The following CORT variants were observed in gnomAD, a reference collection of about 807,000 sequenced individuals.
CORT encodes cortistatin, also known as cortistatin-14.
In CORT, 2 loss-of-function variants were observed where a neutral mutation model predicts 4.4. The observed-to-expected ratio is 0.46, with a 90% CI of 0.19 to 1.44. The LOEUF (loss-of-function observed/expected upper bound fraction) is 1.44, where lower values mean the gene tolerates loss of function less well. Among genes scored for constraint, CORT ranks in the 40% most tolerant of loss-of-function variants. CORT has a pLI of 0.26. For missense variants in CORT, 158 were observed against 140.2 expected, an observed-to-expected ratio of 1.13 and a Z score of -0.64; for synonymous variants, 72 against 62.0, an observed-to-expected ratio of 1.16 and a Z score of -0.75.
At chr1:10,451,009 G>A (rs1640767915) in intron 1 of CORT, among the ~76,000 whole-genome samples, 1 of 152,148 alleles carries the variant, frequency 6.6e-6, no homozygotes, top group Admixed American at 6.6e-5. Flanking sequence ...CCAACTCCGG[G>A]CTTCTCAGCT....
In CORT at chr1:10,450,143, G is replaced by A; in HGVS notation, c.-81G>A. 3 of 1,610,028 alleles carry A rather than the reference G, an allele frequency of 1.9e-6. No individual in the cohort carries two copies. Among genetic ancestry groups the A allele is most frequent in the Non-Finnish European group, 2.5e-6 (3 of 1,178,464 alleles). ...ACCAAGCTCCAAAGAAGAGACCCAA[G>A]TCCCCAAAACATTGATTTCAGGGCT... is the stretch of plus-strand genomic sequence containing the variant. On this transcript the variant is annotated 5_prime_UTR_variant, in exon 1 of 2. Coordinates refer to ENST00000377049, the MANE Select transcript of CORT (RefSeq NM_001302.5).
rs368245686 is a variant in CORT, at chr1:10,450,264, G to T, written c.41G>T (p.Gly14Val). The change falls in exon 1 of 2, where the codon GGG becomes GTG. Residue 14 changes from glycine to valine, a missense_variant. Transcript: ENST00000377049. ...GGCCTCCTGCTGCTGCTGCTCTCCG[G>T]GGCCACGGCCACCGCTGCCCTGCCC... Reference protein sequence around the residue: ...SPGLLLLLLSGATATAALPLE... With the variant: ...SPGLLLLLLSVATATAALPLE... The T allele has an allele frequency of 6.4e-7, 1 of 1,568,672 alleles. No individual in the cohort carries two copies. Among genetic ancestry groups the T allele is most frequent in the Non-Finnish European group, 8.6e-7 (1 of 1,157,546 alleles).
rs759210368 is a variant in CORT at position 10,451,579 on chromosome 1, T to C, written c.302T>C (p.Phe101Ser). The change falls in exon 2 of 2, where the codon TTC (phenylalanine) becomes TCC (serine). Residue 101 changes from phenylalanine (F) to serine (S), a missense_variant. Coordinates refer to ENST00000377049, the MANE Select transcript of CORT (RefSeq NM_001302.5). Reference protein sequence around the residue: ...MPCRNFFWKTFSSCK With the variant: ...MPCRNFFWKTSSSCK ...TGCAGGAACTTCTTCTGGAAGACCT[T>C]CTCCTCCTGCAAATAAAACCTCACC... 8.1e-6 allele frequency: 13 copies of C among 1,612,354 alleles called. 1 individual carries two copies. The Admixed American group carries it at 1.0e-4, about 12-fold the overall frequency.
At position 10,450,289 on chromosome 1, in the gene CORT, C is replaced by T. The variant is rs759156889; in HGVS notation, c.66C>T (p.Pro22=). 3 of 1,528,144 alleles carry T rather than the reference C, an allele frequency of 2.0e-6. No individual in the cohort carries two copies. The highest frequency in any genetic ancestry group is 2.6e-6 in the Non-Finnish European group (3 of 1,137,962). 94.7% of individuals were successfully genotyped at this position (1,528,144 alleles called of 1,614,324 possible). A position where few individuals can be genotyped will look rare whatever the true frequency, so the allele number is the denominator to read the frequency against. Residue 22 remains proline, a synonymous_variant, in exon 1 of 2, where the codon CCC becomes CCT. Coordinates refer to ENST00000377049, the MANE Select transcript of CORT (RefSeq NM_001302.5). ...GGGCCACGGCCACCGCTGCCCTGCC[C>T]CTGGAGGGTGGCCCCACCGGCCGAG... ...LSGATATAAL[P]LEGGPTGRDS... is the part of the protein sequence containing the mutation.
rs751279638 is a variant in CORT at position 10,450,244 on chromosome 1, CCTG to C, written c.33_35del (p.Leu12del). 4.6e-5 allele frequency: 72 copies of C among 1,581,012 alleles called. No individual in the cohort carries two copies. The highest frequency in any genetic ancestry group is 7.0e-5 in the South Asian group (6 of 85,912). On this transcript the variant is annotated inframe_deletion, in exon 1 of 2. Coordinates refer to ENST00000377049, the MANE Select transcript of CORT (RefSeq NM_001302.5). ...ACAAGATGCCATTGTCCCCCGGCCT[CCTG>C]CTGCTGCTGCTCTCCGGGGCCACGG...
chr1:10,450,869 T>G (rs1204888284), intron 1 of CORT, among the ~76,000 whole-genome samples: 1 of 152,218 alleles, frequency 6.6e-6, no homozygotes, highest in African/African-American at 2.4e-5. Flanking sequence ...AGCAGATTAC[T>G]CCCAGAAGCT....
Position 10,451,523 on chromosome 1 carries a change from C to G in CORT, c.246C>G (p.Pro82=), listed in dbSNP as rs773086446. Residue 82 remains proline, a synonymous_variant, in exon 2 of 2, where the codon CCC becomes CCG. Transcript: ENST00000377049. The stretch of plus-strand genomic sequence containing the variant: ...CCAGGCGGCAGGAAGGCGCACCCCC[C>G]CAGCAATCTGCGCGCCGGGACAGAA... The part of the protein sequence containing the change: ...EVARRQEGAP[P]QQSARRDRMP... The G allele has an allele frequency of 2.2e-5, 35 of 1,613,934 alleles. No homozygotes were observed. In the African/African-American group the frequency reaches 3.1e-4, roughly 14 times the overall value.
Position 10,451,642 on chromosome 1 carries a change from A to G in CORT, c.*47A>G. ...CGCAAGTGTAATGACAGACCTGAAT[A>G]AAATGTATTAAGCAGCAGTGATCTT... On this transcript the variant is annotated 3_prime_UTR_variant, in exon 2 of 2. Coordinates refer to ENST00000377049, the MANE Select transcript of CORT (RefSeq NM_001302.5). The G allele has an allele frequency of 1.3e-6, 2 of 1,555,242 alleles. No individual in the cohort carries two copies. Among genetic ancestry groups the G allele is most frequent in the Non-Finnish European group, 1.7e-6 (2 of 1,149,454 alleles).
chr1:10,450,409 G>A (rs757577961), intron 1 of CORT, 87 bp downstream of exon 1: 49 of 1,305,568 alleles, frequency 3.8e-5, no homozygotes, highest in African/African-American at 1.4e-4. Context: ...GTGTGTGCAC[G>A]TGTGTTGCAC....
Position 10,451,520 on chromosome 1 carries a change from C to A in CORT, c.243C>A (p.Pro81=), listed in dbSNP as rs773865457. Reference sequence around the variant, plus strand: ...TGGCCAGGCGGCAGGAAGGCGCACCCCCCCAGCAATCTGCGCGCCGGGACA... The same window carrying A: ...TGGCCAGGCGGCAGGAAGGCGCACCACCCCAGCAATCTGCGCGCCGGGACA... The part of the protein sequence containing the change: ...REVARRQEGA[P]PQQSARRDRM... Residue 81 remains proline, a synonymous_variant, in exon 2 of 2, where the codon CCC becomes CCA. Transcript: ENST00000377049. 1 of 1,614,046 alleles carries A rather than the reference C, an allele frequency of 6.2e-7. No individual in the cohort carries two copies.
At position 10,451,466 on chromosome 1, in the gene CORT, G is replaced by A; in HGVS notation, c.189G>A (p.Gly63=). ...AGTGGACCTCCCAGGCCAGTGCCGG[G>A]CCCCTCATAGGAGAGGAAGCCCGGG... ...WFEWTSQASA[G]PLIGEEAREV... The change falls in exon 2 of 2, where the codon GGG becomes GGA. Residue 63 remains glycine, a synonymous_variant. Coordinates refer to ENST00000377049, the MANE Select transcript of CORT (RefSeq NM_001302.5). The A allele has an allele frequency of 6.2e-7, 1 of 1,614,084 alleles. No individual in the cohort carries two copies. The highest frequency in any genetic ancestry group is 8.5e-7 in the Non-Finnish European group (1 of 1,179,974).
At position 10,451,532 on chromosome 1, in the gene CORT, T is replaced by C. The variant is rs666103; in HGVS notation, c.255T>C (p.Ser85=). The C allele has an allele frequency of 0.92, 1,484,835 of 1,613,838 alleles. 684,450 individuals carry two copies. Among genetic ancestry groups the C allele is most frequent in the Middle Eastern group, 0.97 (5,865 of 6,030 alleles). Residue 85 remains serine (S), a synonymous_variant, in exon 2 of 2, where the codon TCT becomes TCC. Transcript: ENST00000377049. The stretch of plus-strand genomic sequence containing the variant: ...AGGAAGGCGCACCCCCCCAGCAATC[T>C]GCGCGCCGGGACAGAATGCCCTGCA... ...RRQEGAPPQQ[S]ARRDRMPCRN...
chr1:10,451,545 A>G lies in CORT; in HGVS notation c.268A>G (p.Arg90Gly). Reference sequence around the variant, plus strand: ...CCCCCAGCAATCTGCGCGCCGGGACAGAATGCCCTGCAGGAACTTCTTCTG... The same window carrying G: ...CCCCCAGCAATCTGCGCGCCGGGACGGAATGCCCTGCAGGAACTTCTTCTG... ...APPQQSARRD[R>G]MPCRNFFWKT... is the part of the protein sequence containing the mutation. The change falls in exon 2 of 2, where the codon AGA (arginine) becomes GGA (glycine). Residue 90 changes from arginine to glycine, a missense_variant. Arg to Gly is a moderately radical substitution (Grantham distance 125). Transcript: ENST00000377049. 1 of 1,613,972 alleles carries G rather than the reference A, an allele frequency of 6.2e-7. No homozygotes were observed. Among genetic ancestry groups the G allele is most frequent in the Non-Finnish European group, 8.5e-7 (1 of 1,179,986 alleles).
Position 10,451,657 on chromosome 1 carries a change from G to A in CORT, c.*62G>A, listed in dbSNP as rs1399707297. ...AGACCTGAATAAAATGTATTAAGCA[G>A]CAGTGATCTTTCCTCTCCTCCTTCC... On this transcript the variant is annotated 3_prime_UTR_variant, in exon 2 of 2. Transcript: ENST00000377049. 6 of 1,502,560 alleles carry A rather than the reference G, an allele frequency of 4.0e-6. No homozygotes were observed. The highest frequency in any genetic ancestry group is 1.4e-5 in the African/African-American group (1 of 71,674). 93.1% of individuals were successfully genotyped at this position (1,502,560 alleles called of 1,614,324 possible).
At chr1:10,450,884 A>G (rs1466911545) in intron 1 of CORT, among the ~76,000 whole-genome samples, 2 of 152,242 alleles carry the variant, frequency 1.3e-5, no homozygotes, top group Non-Finnish European at 2.9e-5. Flanking sequence ...GAAGCTTTCT[A>G]AGGAATTTGA....
intron 1 of CORT, 147 bp downstream of exon 1, chr1:10,450,469 G>T: frequency 1.1e-6 from 1 of 914,360 alleles, no homozygotes; most frequent in Non-Finnish European, 1.4e-6. Flanking sequence ...GTTCTTGGCT[G>T]GCCCGAGGTA....
chr1:10,451,677 C>T lies in CORT; in HGVS notation c.*82C>T. The T allele has an allele frequency of 5.5e-6, 8 of 1,465,318 alleles. No homozygotes were observed. Among genetic ancestry groups the T allele is most frequent in the Non-Finnish European group, 6.3e-6 (7 of 1,103,390 alleles). The allele number at this position is 1,465,318 out of a possible 1,614,324, so 90.8% of individuals were successfully genotyped here. On this transcript the variant is annotated 3_prime_UTR_variant, in exon 2 of 2. Coordinates refer to ENST00000377049, the MANE Select transcript of CORT (RefSeq NM_001302.5). ...AAGCAGCAGTGATCTTTCCTCTCCTCCTTCCCAAGTCATTTGAAAAGTGTT... is the reference window on the plus strand; with the variant it reads ...AAGCAGCAGTGATCTTTCCTCTCCTTCTTCCCAAGTCATTTGAAAAGTGTT...
chr1:10,451,358 A>G lies in CORT; in HGVS notation c.100-19A>G, dbSNP rs532254844. 2.5e-5 allele frequency: 40 copies of G among 1,572,420 alleles called. 1 individual carries two copies. The South Asian group carries it at 4.4e-4, about 17-fold the overall frequency. The stretch of plus-strand genomic sequence containing the variant: ...ATTGCTGAGTTTTCTTTCCTTTGCC[A>G]TCTGCTTCTCTTTAAAAGCATATGC... On this transcript the variant is annotated intron_variant, in intron 1 of 1. Coordinates refer to ENST00000377049, the MANE Select transcript of CORT (RefSeq NM_001302.5).
rs761036242 is a variant in CORT at position 10,450,278 on chromosome 1, G to A, written c.55G>A (p.Ala19Thr). The A allele has an allele frequency of 9.7e-6, 15 of 1,550,130 alleles. No homozygotes were observed. Among genetic ancestry groups the A allele is most frequent in the East Asian group, 4.6e-5 (2 of 43,368 alleles). Residue 19 changes from alanine (A) to threonine (T), a missense_variant, in exon 1 of 2, where the codon GCT (alanine) becomes ACT (threonine). Ala to Thr is a moderately conservative substitution (Grantham distance 58, BLOSUM62 0). Coordinates refer to ENST00000377049, the MANE Select transcript of CORT (RefSeq NM_001302.5). The part of the protein sequence containing the change: ...LLLLSGATAT[A>T]ALPLEGGPTG... ...GCTGCTCTCCGGGGCCACGGCCACC[G>A]CTGCCCTGCCCCTGGAGGGTGGCCC... is the stretch of plus-strand genomic sequence containing the variant.
Sources: gnomAD v4.1 joint callset for allele counts (sites outside exome capture counted in the v4.1 genomes callset) on GRCh38, gnomAD v4.1.1 for gene constraint, MANE v1.5 for transcripts, NCBI Gene and HGNC (gene_info 2026-07-23, HGNC 2026-07-21) for gene names.